TLN2: variants seen among roughly 807,000 people sequenced by gnomAD.
The protein encoded by TLN2 is talin-2.
TLN2 carries 118 observed loss-of-function variants against 294.7 expected under a neutral mutation model. The ratio of observed to expected loss-of-function variants is 0.40; its 90% CI spans 0.34 to 0.47. The LOEUF is 0.47. Ranked by LOEUF, TLN2 falls within the 20% of genes least tolerant of loss-of-function variation. The probability of loss-of-function intolerance (pLI) is 0.84; values close to 1 mark genes in which losing one functional copy is unlikely to be tolerated. For synonymous variants in TLN2, 1,431 were observed against 1,304.5 expected (o/e 1.10, Z -2.09); for missense variants, 3,083 against 3,282.2 (o/e 0.94, Z 1.48).
At chr15:62,774,158 T>C (rs2063537517) in intron 42 of TLN2, among the ~76,000 whole-genome samples, 1 of 152,224 alleles carries the variant, frequency 6.6e-6, no homozygotes, top group Non-Finnish European at 1.5e-5. Flanking sequence ...AAAGTTGAAA[T>C]CTGCTCCCCT....
At position 62,820,443 on chromosome 15, in the gene TLN2, G is replaced by T. The variant is rs1332216794; in HGVS notation, c.6878-43G>T. 3 of 1,608,794 alleles carry T rather than the reference G, an allele frequency of 1.9e-6. No individual in the cohort carries two copies. The South Asian group carries it at 3.3e-5, about 18-fold the overall frequency. ...TTTTTAATTAAGCCAGTGCCCTGAGGTCTGCAGCTATGAAGAATCACCTTC... is the reference window on the plus strand; with the variant it reads ...TTTTTAATTAAGCCAGTGCCCTGAGTTCTGCAGCTATGAAGAATCACCTTC... On this transcript the variant is annotated intron_variant, in intron 53 of 58. Coordinates refer to ENST00000636159, the MANE Select transcript of TLN2 (RefSeq NM_015059.3).
chr15:62,739,973 T>G (rs557809579), intron 31 of TLN2, among the ~76,000 whole-genome samples: 16 of 152,112 alleles, frequency 1.1e-4, no homozygotes, highest in African/African-American at 3.6e-4. Context: ...CTCCTTCAGA[T>G]GAACAGATAA....
chr15:62,720,646 CAGGTG>C (rs2060079080), intron 25 of TLN2, among the ~76,000 whole-genome samples: 1 of 85,288 alleles, frequency 1.2e-5, no homozygotes, highest in South Asian at 5.5e-4. Flanking sequence ...ATATACAACA[CAGGTG>C]TGTGTGTGTG....
intron 57 of TLN2, 83 bp from the exon 58 acceptor site, chr15:62,838,773 A>G: frequency 6.5e-7 from 1 of 1,550,016 alleles, no homozygotes; most frequent in Non-Finnish European, 8.7e-7. Context: ...TCATGGTCTC[A>G]CAAACTGTAC....
At chr15:62,745,780 T>G (rs975043296) in intron 32 of TLN2, among the ~76,000 whole-genome samples, 3 of 152,250 alleles carry the variant, frequency 2.0e-5, no homozygotes, top group African/African-American at 4.8e-5. Context: ...ACATAAATAT[T>G]GTTTTTCATT....
intron 1 of TLN2, among the ~76,000 whole-genome samples, chr15:62,440,164 G>C (rs181700205): frequency 6.6e-6 from 1 of 152,154 alleles, no homozygotes; most frequent in Non-Finnish European, 1.5e-5. Flanking sequence ...CTGTCTCCTC[G>C]ATCTCGTGGT....
At position 62,698,849 on chromosome 15, in the gene TLN2, A is replaced by G. The variant is rs1567388598; in HGVS notation, c.1569A>G (p.Pro523=). Residue 523 remains proline (P), a synonymous_variant, in exon 16 of 59, where the codon CCA becomes CCG. Coordinates refer to ENST00000636159, the MANE Select transcript of TLN2 (RefSeq NM_015059.3). ...QDDLSELDSL[P]PLGQDMASRV... is the part of the protein sequence containing the mutation. The stretch of plus-strand genomic sequence containing the variant: ...ATCTCAGTGAGCTCGACTCGCTGCC[A>G]CCTCTCGGCCAGGATATGGTAAATA... The G allele has an allele frequency of 2.5e-6, 4 of 1,612,666 alleles. No individual in the cohort carries two copies. Among genetic ancestry groups the G allele is most frequent in the East Asian group, 2.2e-5 (1 of 44,868 alleles).
At chr15:62,520,859 A>T (rs1395542026) in intron 1 of TLN2, among the ~76,000 whole-genome samples, 25 of 152,096 alleles carry the variant, frequency 1.6e-4, no homozygotes, top group Non-Finnish European at 3.7e-4. Context: ...TTTTTTAAGG[A>T]CCTTTTAATT....
chr15:62,581,969 G>C (rs933906493), intron 1 of TLN2, among the ~76,000 whole-genome samples: 4 of 151,794 alleles, frequency 2.6e-5, no homozygotes, highest in African/African-American at 9.7e-5. Flanking sequence ...GTTTGAACCT[G>C]GGAGGTGGAG....
intron 1 of TLN2, among the ~76,000 whole-genome samples, chr15:62,414,962 A>C (rs1259290759): frequency 7.1e-6 from 1 of 140,648 alleles, no homozygotes; most frequent in Non-Finnish European, 1.5e-5. Context: ...CCCAGGCTGG[A>C]GTGCAATGGC....
rs116316403 is a variant in TLN2 at position 62,441,580 on chromosome 15, G to A, written c.-238+50895G>A. Among the ~76,000 whole-genome samples the A allele has an allele frequency of 3.3e-3, 502 of 152,212 alleles. 2 individuals carry two copies. Among genetic ancestry groups the A allele is most frequent in the African/African-American group, 0.011 (473 of 41,526 alleles). The stretch of plus-strand genomic sequence containing the variant: ...CGTTCCCCACACAAAGCAATTCTCC[G>A]GCAGATTCTTCAGTGGACAGCAACT... On this transcript the variant is annotated intron_variant, in intron 1 of 58. Coordinates refer to ENST00000636159, the MANE Select transcript of TLN2 (RefSeq NM_015059.3).
At chr15:62,633,163 C>T (rs918420666) in intron 3 of TLN2, among the ~76,000 whole-genome samples, 11 of 152,162 alleles carry the variant, frequency 7.2e-5, no homozygotes, top group African/African-American at 1.2e-4. Flanking sequence ...TAGCAAGGCA[C>T]GGGCCCTGGA....
At chr15:62,406,505 T>C (rs1003948180) in intron 1 of TLN2, among the ~76,000 whole-genome samples, 1 of 152,260 alleles carries the variant, frequency 6.6e-6, no homozygotes, top group African/African-American at 2.4e-5. Context: ...GGCAGTGTGC[T>C]GACAGTAGCA....
intron 1 of TLN2, among the ~76,000 whole-genome samples, chr15:62,515,024 T>C (rs2040116519): frequency 6.6e-6 from 1 of 152,054 alleles, no homozygotes; most frequent in Admixed American, 6.6e-5. Flanking sequence ...CACGTGAACC[T>C]TGGAACTCCC....
intron 1 of TLN2, among the ~76,000 whole-genome samples, chr15:62,443,934 G>A (rs1340230036): frequency 6.6e-6 from 1 of 152,166 alleles, no homozygotes. Context: ...ATGGCAGTGA[G>A]CCATGATTGT....
chr15:62,689,278 TTTTA>T (rs1328621051), intron 12 of TLN2, among the ~76,000 whole-genome samples: 3 of 152,158 alleles, frequency 2.0e-5, no homozygotes. Context: ...ATTTAGGTCT[TTTTA>T]CCTACCCACT....
At chr15:62,499,411 C>T (rs2039187545) in intron 1 of TLN2, among the ~76,000 whole-genome samples, 1 of 152,184 alleles carries the variant, frequency 6.6e-6, no homozygotes. Flanking sequence ...GATTGCACTA[C>T]TGCACTTCAG....
At chr15:62,519,310 G>A (rs2040342062) in intron 1 of TLN2, among the ~76,000 whole-genome samples, 1 of 152,112 alleles carries the variant, frequency 6.6e-6, no homozygotes, top group African/African-American at 2.4e-5. Flanking sequence ...CACTTACATT[G>A]GTAAATAACT....
At chr15:62,395,920 C>T (rs753441232) in intron 1 of TLN2, among the ~76,000 whole-genome samples, 1 of 152,158 alleles carries the variant, frequency 6.6e-6, no homozygotes, top group Non-Finnish European at 1.5e-5. Flanking sequence ...ACTGCAACCT[C>T]TGTCTCCTGG....
Sources: allele counts gnomAD v4.1 joint callset (sites outside exome capture counted in the v4.1 genomes callset), GRCh38; gene constraint gnomAD v4.1.1; transcripts MANE v1.5; gene names NCBI Gene and HGNC (gene_info 2026-07-23, HGNC 2026-07-21).